ST14: variants seen among roughly 807,000 people sequenced by gnomAD.
The protein encoded by ST14 is suppressor of tumorigenicity 14 protein.
In ST14, 40 loss-of-function variants were observed where a neutral mutation model predicts 96.5. The ratio of observed to expected loss-of-function variants is 0.41; its 90% CI spans 0.32 to 0.54. ST14 has a LOEUF of 0.54. Among genes scored for constraint, ST14 ranks in the 20% least tolerant of loss-of-function variants. ST14 has a pLI of 0.17. For synonymous variants in ST14, 506 were observed against 492.1 expected, an observed-to-expected ratio of 1.03 and a Z score of -0.37; for missense variants, 1,066 against 1,188.9, an observed-to-expected ratio of 0.90 and a Z score of 1.52.
rs1953266351 is a variant in ST14 at position 130,188,895 on chromosome 11, A to G, written c.396A>G (p.Pro132=). The G allele has an allele frequency of 3.1e-6, 5 of 1,612,976 alleles. No individual in the cohort carries two copies. Among genetic ancestry groups the G allele is most frequent in the Non-Finnish European group, 4.2e-6 (5 of 1,179,710 alleles). ...TGAAGCTGCTGTACAGCGGAGTCCCATTCCTGGGCCCCTACCACAAGGAGT... is the reference window on the plus strand; with the variant it reads ...TGAAGCTGCTGTACAGCGGAGTCCCGTTCCTGGGCCCCTACCACAAGGAGT... ...DALKLLYSGV[P]FLGPYHKESA... The change falls in exon 4 of 19, where the codon CCA becomes CCG. Residue 132 remains proline (P), a synonymous_variant. Transcript: ENST00000278742. The surrounding 1 kb of genome is among the most constrained non-coding windows in gnomAD (Gnocchi z 5.4).
chr11:130,205,112 A>G (rs1591896845), intron 16 of ST14, among the ~76,000 whole-genome samples: 1 of 152,200 alleles, frequency 6.6e-6, no homozygotes, highest in African/African-American at 2.4e-5. Flanking sequence ...AATGAATGAA[A>G]AAAAGGACTA....
In ST14 at chr11:130,209,716, G is replaced by A. The variant is rs1565630524; in HGVS notation, c.2461G>A (p.Ala821Thr). 1 of 1,613,834 alleles carries A rather than the reference G, an allele frequency of 6.2e-7. No individual in the cohort carries two copies. Among genetic ancestry groups the A allele is most frequent in the Non-Finnish European group, 8.5e-7 (1 of 1,180,038 alleles). ...GGAGGCGGATGGGCGGATCTTCCAGGCCGGTGTGGTGAGCTGGGGAGACGG... is the reference window on the plus strand; with the variant it reads ...GGAGGCGGATGGGCGGATCTTCCAGACCGGTGTGGTGAGCTGGGGAGACGG... The part of the protein sequence containing the change: ...SVEADGRIFQ[A>T]GVVSWGDGCA... The change falls in exon 19 of 19, where the codon GCC becomes ACC. Residue 821 changes from alanine to threonine, a missense_variant. By Grantham distance (58) the Ala-to-Thr change is moderately conservative. Transcript: ENST00000278742.
In ST14 at chr11:130,209,894, G is replaced by A. The variant is rs1215440120; in HGVS notation, c.*71G>A. On this transcript the variant is annotated 3_prime_UTR_variant, in exon 19 of 19. Transcript: ENST00000278742. ...TCCACCCCAGTGTGCACGCCTGCAGGCTGGAGACTGGACCGCTGACTGCAC... is the reference window on the plus strand; with the variant it reads ...TCCACCCCAGTGTGCACGCCTGCAGACTGGAGACTGGACCGCTGACTGCAC... 6.4e-7 allele frequency: 1 copy of A among 1,573,744 alleles called. No homozygotes were observed. Among genetic ancestry groups the A allele is most frequent in the Non-Finnish European group, 8.7e-7 (1 of 1,155,860 alleles).
At chr11:130,208,719 G>A in intron 17 of ST14, 35 bp downstream of exon 17, 1 of 1,592,282 alleles carries the variant, frequency 6.3e-7, no homozygotes, top group East Asian at 2.3e-5. Context: ...TCCGCAGAGG[G>A]CCTGGGGCCT....
chr11:130,183,672 C>T (rs1953214042), intron 1 of ST14, among the ~76,000 whole-genome samples: 1 of 152,130 alleles, frequency 6.6e-6, no homozygotes, highest in Non-Finnish European at 1.5e-5. Context: ...AGAATTTCTC[C>T]CAGCAGTATT....
At position 130,198,575 on chromosome 11, in the gene ST14, G is replaced by A; in HGVS notation, c.1638G>A (p.Gly546=). The A allele has an allele frequency of 6.2e-7, 1 of 1,614,126 alleles. No homozygotes were observed. The highest frequency in any genetic ancestry group is 1.7e-5 in the Admixed American group (1 of 60,036). ...TCTCGAAAAGCCAGCAGTGCAATGGGAAGGACGACTGTGGGGACGGGTCCG... is the reference window on the plus strand; with the variant it reads ...TCTCGAAAAGCCAGCAGTGCAATGGAAAGGACGACTGTGGGGACGGGTCCG... ...KCLSKSQQCN[G]KDDCGDGSDE... is the part of the protein sequence containing the mutation. Residue 546 remains glycine (G), a synonymous_variant, in exon 14 of 19, where the codon GGG becomes GGA. Transcript: ENST00000278742.
At chr11:130,194,324 G>A in intron 8 of ST14, 36 bp downstream of exon 8, 1 of 1,613,694 alleles carries the variant, frequency 6.2e-7, no homozygotes, top group South Asian at 1.1e-5. Flanking sequence ...ACTGCCCTCG[G>A]GCCACAGAGA....
At chr11:130,169,387 G>A (rs531216931) in intron 1 of ST14, among the ~76,000 whole-genome samples, 5 of 152,234 alleles carry the variant, frequency 3.3e-5, no homozygotes, top group Admixed American at 1.3e-4. Context: ...GAGCCACCAC[G>A]CCTGGCCTAT....
At chr11:130,209,244 A>G (rs1211296263) in intron 17 of ST14, among the ~76,000 whole-genome samples, 198 bp from the exon 18 acceptor site, 2 of 152,074 alleles carry the variant, frequency 1.3e-5, no homozygotes. Flanking sequence ...CTCGCCTGGC[A>G]GATCTCAGCA....
rs200595110 is a variant in ST14 at position 130,188,691 on chromosome 11, G to A, written c.369+34G>A. ...AGCCTGCCCAGAGTCCTGCTGGGCT[G>A]TGTGCGCTGGTGTCCCACCTGCTGG... On this transcript the variant is annotated intron_variant, in intron 3 of 18. Transcript: ENST00000278742. The surrounding 1 kb of genome is among the most constrained non-coding windows in gnomAD (Gnocchi z 5.4). 7.1e-5 allele frequency: 115 copies of A among 1,613,732 alleles called. No homozygotes were observed. Among genetic ancestry groups the A allele is most frequent in the Non-Finnish European group, 9.5e-5 (112 of 1,180,036 alleles).
chr11:130,194,773 T>A (rs748613917), intron 9 of ST14, 36 bp downstream of exon 9: 117 of 1,595,066 alleles, frequency 7.3e-5, no homozygotes, highest in South Asian at 2.9e-4. Flanking sequence ...TGTGTGTGTG[T>A]GAGCATGTAT....
intron 7 of ST14, among the ~76,000 whole-genome samples, chr11:130,193,382 T>C (rs1410049907): frequency 1.3e-5 from 2 of 152,100 alleles, no homozygotes; most frequent in Non-Finnish European, 2.9e-5. Flanking sequence ...TCTTAATAAA[T>C]GTTGATTGTT....
Position 130,188,128 on chromosome 11 carries a change from G to A in ST14, c.96G>A (p.Leu32=), listed in dbSNP as rs147515568. Reference sequence around the variant, plus strand: ...TCTCCCTGCAGAAAGTGAATGGCTTGGAGGAAGGCGTGGAGTTCCTGCCAG... The same window carrying A: ...TCTCCCTGCAGAAAGTGAATGGCTTAGAGGAAGGCGTGGAGTTCCTGCCAG... ...YNSRHEKVNG[L]EEGVEFLPVN... is the part of the protein sequence containing the mutation. Residue 32 remains leucine, a synonymous_variant, in exon 2 of 19, where the codon TTG becomes TTA. Transcript: ENST00000278742. This position sits in a 1 kb window ranked among gnomAD's most constrained non-coding sequence, Gnocchi z 5.4. The A allele has an allele frequency of 5.0e-5, 80 of 1,614,168 alleles. No homozygotes were observed. The East Asian group carries it at 1.4e-3, about 27-fold the overall frequency.
At chr11:130,203,560 T>A (rs938117633) in intron 16 of ST14, among the ~76,000 whole-genome samples, 6 of 152,272 alleles carry the variant, frequency 3.9e-5, no homozygotes, top group Non-Finnish European at 8.8e-5. Context: ...CCACGTTATC[T>A]GGCCCCTGCC....
At chr11:130,194,854 G>A (rs140256630) in intron 9 of ST14, 117 bp downstream of exon 9, 101 of 59,148 alleles carry the variant, frequency 1.7e-3, no homozygotes, top group African/African-American at 7.4e-3. Flanking sequence ...ATGTGTGCAT[G>A]TGTGTGTGTG....
intron 9 of ST14, among the ~76,000 whole-genome samples, chr11:130,195,670 T>C (rs749810726): frequency 4.2e-4 from 63 of 151,644 alleles, no homozygotes; most frequent in Non-Finnish European, 2.5e-4. Context: ...CTGGGCAACA[T>C]TGTGAAACCC....
rs550933544 is a variant in ST14 at position 130,197,864 on chromosome 11, C to T, written c.1378C>T (p.Arg460Cys). 49 of 1,587,916 alleles carry T rather than the reference C, an allele frequency of 3.1e-5. No homozygotes were observed. Among genetic ancestry groups the T allele is most frequent in the Non-Finnish European group, 3.9e-5 (46 of 1,170,794 alleles). ...AGCATGCCCGGGGCAGTTCACGTGC[C>T]GCACGGGGCGGTGTATCCGGAAGGA... ...SDPCPGQFTC[R>C]TGRCIRKELR... Residue 460 changes from arginine to cysteine, a missense_variant, in exon 12 of 19, where the codon CGC (arginine) becomes TGC (cysteine). Transcript: ENST00000278742.
At chr11:130,183,158 C>T (rs970008590) in intron 1 of ST14, among the ~76,000 whole-genome samples, 1 of 151,968 alleles carries the variant, frequency 6.6e-6, no homozygotes, top group Admixed American at 6.6e-5. Flanking sequence ...TGGGGTTTCA[C>T]CACATTGGCC....
At chr11:130,182,849 C>G (rs963518705) in intron 1 of ST14, among the ~76,000 whole-genome samples, 1 of 151,880 alleles carries the variant, frequency 6.6e-6, no homozygotes, top group East Asian at 1.9e-4. Flanking sequence ...TGGAGTTTCC[C>G]CATGTTGGCC....
Sources: allele counts gnomAD v4.1 joint callset (sites outside exome capture counted in the v4.1 genomes callset), GRCh38; gene constraint gnomAD v4.1.1; non-coding constraint Gnocchi (gnomAD v3.1); transcripts MANE v1.5; gene names NCBI Gene and HGNC (gene_info 2026-07-23, HGNC 2026-07-21).